Variants in IDO2 observed in about 807,000 individuals in gnomAD.
The protein encoded by IDO2 is indoleamine 2,3-dioxygenase-like 1 protein.
IDO2 carries 46 observed loss-of-function variants against 45.1 expected under a neutral mutation model. The ratio of observed to expected loss-of-function variants is 1.02; its 90% CI spans 0.80 to 1.30. IDO2 has a LOEUF of 1.30. IDO2 is among the 50% of genes most tolerant of loss of function. The pLI is 0.00. For synonymous variants in IDO2, 218 were observed against 184.9 expected, an observed-to-expected ratio of 1.18 and a Z score of -1.45; for missense variants, 544 against 491.8, an observed-to-expected ratio of 1.11 and a Z score of -1.00.
At chr8:40,013,490 C>T in intron 9 of IDO2, 75 bp from the exon 10 acceptor site, 2 of 1,380,258 alleles carry the variant, frequency 1.4e-6, no homozygotes, top group South Asian at 1.3e-5. Context: ...CTCATTCACT[C>T]TCAGTTTCCA....
In IDO2 at chr8:40,013,653, C is replaced by T. The variant is rs1159134446; in HGVS notation, c.808C>T (p.Gln270Ter). The change falls in exon 10 of 11, where the codon CAG (glutamine) becomes TAG (stop). Residue 270 changes from glutamine (Q) to a stop codon, truncating the protein, a stop_gained. Coordinates refer to ENST00000502986, the Ensembl canonical transcript of IDO2. LOFTEE classifies it high-confidence loss of function. ...GAAATACTCCGGCGGGAGTGCAGCT[C>T]AGAGCACAGTGCTTCATGCCTTTGA... 3 of 1,613,758 alleles carry T rather than the reference C, an allele frequency of 1.9e-6. No homozygotes were observed. In the Admixed American group the frequency reaches 5.0e-5, roughly 27 times the overall value.
intron 8 of IDO2, among the ~76,000 whole-genome samples, chr8:40,003,368 C>CAAAA (rs1172335332): frequency 3.4e-5 from 4 of 118,422 alleles, no homozygotes; most frequent in East Asian, 2.8e-4. Context: ...GACTCCATCT[C>CAAAA]AAAAAAAAAA....
intron 1 of IDO2, among the ~76,000 whole-genome samples, chr8:39,937,295 C>T (rs529994013): frequency 1.0e-3 from 158 of 152,162 alleles, no homozygotes; most frequent in African/African-American, 3.4e-3. Flanking sequence ...TAACCAGGTA[C>T]GGAAAAAATG....
chr8:39,975,479 A>G (rs1808245878), intron 3 of IDO2, among the ~76,000 whole-genome samples: 3 of 152,234 alleles, frequency 2.0e-5, no homozygotes, highest in Non-Finnish European at 4.4e-5. Context: ...AATGTTCAAC[A>G]GACATTTTGT....
chr8:39,983,547 G>T lies in IDO2; in HGVS notation c.434+777G>T, dbSNP rs138962375. 6.8e-4 allele frequency among the ~76,000 whole-genome samples: 104 copies of T among 152,230 alleles called. 2 individuals carry two copies. In the East Asian group the frequency reaches 0.02, roughly 29 times the overall value. On this transcript the variant is annotated intron_variant, in intron 5 of 10. Coordinates refer to ENST00000502986, the Ensembl canonical transcript of IDO2. ...ACTTAAAAGGGTTACATATTTAGTA[G>T]ACAGCCTAGATTTTAAGACTAATTT...
At chr8:39,953,319 A>G (rs931352748) in intron 2 of IDO2, among the ~76,000 whole-genome samples, 2 of 152,206 alleles carry the variant, frequency 1.3e-5, no homozygotes, top group African/African-American at 4.8e-5. Context: ...GCTATATAGC[A>G]AAAGTACTTG....
intron 8 of IDO2, among the ~76,000 whole-genome samples, chr8:39,998,845 G>T (rs1225543424): frequency 6.6e-6 from 1 of 151,734 alleles, no homozygotes; most frequent in Non-Finnish European, 1.5e-5. Context: ...GTTTTGCCAT[G>T]TTGCCAAGGC....
intron 3 of IDO2, among the ~76,000 whole-genome samples, chr8:39,978,280 G>C (rs953377823): frequency 6.6e-6 from 1 of 152,176 alleles, no homozygotes; most frequent in Non-Finnish European, 1.5e-5. Flanking sequence ...TTCGGACCCG[G>C]GAGGGGACCA....
intron 8 of IDO2, among the ~76,000 whole-genome samples, chr8:40,002,432 G>A (rs1017113553): frequency 1.3e-5 from 2 of 152,054 alleles, no homozygotes; most frequent in Non-Finnish European, 2.9e-5. Context: ...CTCCAGCATC[G>A]CTTGTGCTAT....
intron 8 of IDO2, among the ~76,000 whole-genome samples, chr8:40,001,245 A>ATTTTTTTTTT (rs1187145007): frequency 1.1e-5 from 1 of 94,468 alleles, no homozygotes; most frequent in Non-Finnish European, 1.8e-5. Context: ...GGCTTTCCTC[A>ATTTTTTTTTT]TTTTTTTTTT....
intron 8 of IDO2, chr8:39,998,043 T>A (rs1802077390): frequency 8.5e-6 from 2 of 235,524 alleles, no homozygotes; most frequent in Non-Finnish European, 1.8e-5. Context: ...AATTCCCTTC[T>A]CTCCTTTCAC....
intron 3 of IDO2, among the ~76,000 whole-genome samples, chr8:39,966,249 G>A (rs975934852): frequency 6.6e-5 from 10 of 151,904 alleles, no homozygotes; most frequent in Admixed American, 1.3e-4. Flanking sequence ...GGCTGGTCTC[G>A]AACTCCTAAC....
intron 7 of IDO2, among the ~76,000 whole-genome samples, chr8:39,989,214 A>G (rs149742737): frequency 3.0e-4 from 45 of 152,138 alleles, no homozygotes; most frequent in African/African-American, 1.0e-3. Context: ...GATTTTGTGA[A>G]AACTCTCCCT....
At chr8:40,005,636 T>C (rs2909331) in intron 9 of IDO2, among the ~76,000 whole-genome samples, 3 of 152,110 alleles carry the variant, frequency 2.0e-5, no homozygotes, top group African/African-American at 4.8e-5. Flanking sequence ...CCTAGCTCAA[T>C]GACAGAAGAA....
chr8:39,950,241 G>T (rs979152648), intron 2 of IDO2, among the ~76,000 whole-genome samples: 2 of 152,018 alleles, frequency 1.3e-5, no homozygotes, highest in Non-Finnish European at 2.9e-5. Context: ...AAAAATCGTG[G>T]GGTCCAGGCC....
intron 3 of IDO2, among the ~76,000 whole-genome samples, chr8:39,974,764 T>C (rs1808234094): frequency 6.6e-6 from 1 of 152,136 alleles, no homozygotes; most frequent in African/African-American, 2.4e-5. Flanking sequence ...CTACTAAAAA[T>C]ACAAAAATTA....
chr8:40,008,009 A>G (rs4736969), intron 9 of IDO2, among the ~76,000 whole-genome samples: 68,340 of 143,090 alleles, frequency 0.48, 16,417 homozygotes, highest in South Asian at 0.55. Context: ...AGTATTCCTT[A>G]TCATGTGTTT....
rs1187031178 is a variant in IDO2, at chr8:39,935,072, G to A, written c.-164G>A. The A allele has an allele frequency of 5.7e-6, 5 of 884,114 alleles. No homozygotes were observed. The African/African-American group carries it at 8.2e-5, about 15-fold the overall frequency. The allele number at this position is 884,114 out of a possible 1,614,324, so 54.8% of individuals were successfully genotyped here. A position where few individuals can be genotyped will look rare whatever the true frequency, so the allele number is the denominator to read the frequency against. On this transcript the variant is annotated 5_prime_UTR_variant, in exon 1 of 11. Transcript: ENST00000502986. ...AGCTTTATAAATATTTTAAAGACAA[G>A]GATTGGATTAGATTTGACATTAGAA...
At chr8:39,980,907 G>A (rs1294950517) in intron 4 of IDO2, among the ~76,000 whole-genome samples, 4 of 151,672 alleles carry the variant, frequency 2.6e-5, no homozygotes, top group Admixed American at 6.6e-5. Flanking sequence ...CTGCCGCCAC[G>A]GCCAGCTAAT....
Sources: gnomAD v4.1 joint callset for allele counts (sites outside exome capture counted in the v4.1 genomes callset) on GRCh38, gnomAD v4.1.1 for gene constraint, MANE v1.5 for transcripts, NCBI Gene and HGNC (gene_info 2026-07-23, HGNC 2026-07-21) for gene names.